The following MMP16 variants were observed in gnomAD, a reference collection of about 807,000 sequenced individuals.
The protein encoded by MMP16 is matrix metallopeptidase 16, also known as matrix metalloproteinase-16.
Under a neutral mutation model 67.8 loss-of-function variants are expected in MMP16, and 12 were observed. The ratio of observed to expected loss-of-function variants is 0.18; its 90% CI spans 0.11 to 0.29. MMP16 has a LOEUF of 0.29. Ranked by LOEUF, MMP16 falls within the 10% of genes least tolerant of loss-of-function variation. The pLI, the probability that MMP16 is intolerant of heterozygous loss-of-function variation, is 1.00. For missense variants in MMP16, 475 were observed against 765.7 expected (o/e 0.62, Z 4.48); for synonymous variants, 249 against 255.9 (o/e 0.97, Z 0.26).
chr8:88,110,801 T>C (rs547918753), intron 6 of MMP16, among the ~76,000 whole-genome samples: 3 of 151,652 alleles, frequency 2.0e-5, no homozygotes, highest in Non-Finnish European at 4.4e-5. Flanking sequence ...TAAATGTTAT[T>C]TTAAAAATAA....
intron 8 of MMP16, 66 bp downstream of exon 8, chr8:88,056,062 C>T (rs1250382519): frequency 4.7e-6 from 6 of 1,269,118 alleles, no homozygotes; most frequent in Non-Finnish European, 6.2e-6. Context: ...CTCTGATAGA[C>T]TAGAAATGCT....
chr8:88,154,431 G>A (rs1482417255), intron 4 of MMP16, among the ~76,000 whole-genome samples: 3 of 141,170 alleles, frequency 2.1e-5, no homozygotes, highest in Middle Eastern at 3.7e-3. Context: ...TGTTTATTGC[G>A]GCATTATTCA....
chr8:88,322,758 T>C (rs569041531), intron 1 of MMP16, among the ~76,000 whole-genome samples: 1 of 152,104 alleles, frequency 6.6e-6, no homozygotes, highest in East Asian at 1.9e-4. Flanking sequence ...GGTGGGAGGA[T>C]TGCTTGAGCC....
chr8:88,111,167 C>T (rs1271005356), intron 6 of MMP16, among the ~76,000 whole-genome samples: 1 of 151,628 alleles, frequency 6.6e-6, no homozygotes, highest in Non-Finnish European at 1.5e-5. Context: ...AGTTGTACCA[C>T]TAAATTGAGA....
intron 4 of MMP16, among the ~76,000 whole-genome samples, chr8:88,140,507 T>C (rs191650292): frequency 1.3e-5 from 2 of 152,244 alleles, no homozygotes; most frequent in Admixed American, 6.5e-5. Flanking sequence ...TTTGTAGATA[T>C]ATTTTAGAAG....
intron 1 of MMP16, among the ~76,000 whole-genome samples, chr8:88,235,726 T>C (rs1472582756): frequency 1.3e-5 from 2 of 152,152 alleles, no homozygotes; most frequent in Non-Finnish European, 2.9e-5. Context: ...CTTTCTCAAA[T>C]GGTACACTCT....
chr8:88,147,595 G>T (rs1015630015), intron 4 of MMP16, among the ~76,000 whole-genome samples: 1 of 151,674 alleles, frequency 6.6e-6, no homozygotes, highest in Non-Finnish European at 1.5e-5. Context: ...CTTGGAAAGA[G>T]TTTTGCTGGG....
chr8:88,318,206 AC>A (rs1489748317), intron 1 of MMP16, among the ~76,000 whole-genome samples: 1 of 152,232 alleles, frequency 6.6e-6, no homozygotes, highest in African/African-American at 2.4e-5. Flanking sequence ...CTTCCTGAAT[AC>A]TTTGAAAATC....
chr8:88,185,674 A>G (rs1367298396), intron 3 of MMP16, among the ~76,000 whole-genome samples: 1 of 152,098 alleles, frequency 6.6e-6, no homozygotes, highest in Non-Finnish European at 1.5e-5. Context: ...TCTCCTGCCC[A>G]TTGGTTTAAC....
intron 1 of MMP16, among the ~76,000 whole-genome samples, chr8:88,302,836 G>T (rs1388860030): frequency 6.6e-6 from 1 of 152,192 alleles, no homozygotes; most frequent in Admixed American, 6.5e-5. Context: ...CACTGGCACT[G>T]ACTAGGCAAA....
rs34127125 is a variant in MMP16 at position 88,238,663 on chromosome 8, TAAAAAAAAAAAA to T, written c.133-41369_133-41358del. ...CCTGGGCAACTGTGCAAGACTCTGTTAAAAAAAAAAAAAAAAAAAAAAAAAGACGTGGGCTCT... is the reference window on the plus strand; with the variant it reads ...CCTGGGCAACTGTGCAAGACTCTGTTAAAAAAAAAAAAAGACGTGGGCTCT... On this transcript the variant is annotated intron_variant, in intron 1 of 9. Transcript: ENST00000286614. Among the ~76,000 whole-genome samples, 5 of 99,902 alleles carry T rather than the reference TAAAAAAAAAAAA, an allele frequency of 5.0e-5. No homozygotes were observed. The Admixed American group carries it at 5.0e-4, about 10-fold the overall frequency. The allele number at this position is 99,902 out of a possible 152,430, so 65.5% of individuals were successfully genotyped here. A position where few individuals can be genotyped will look rare whatever the true frequency, so the allele number is the denominator to read the frequency against.
At chr8:88,062,608 G>A (rs1317457735) in intron 7 of MMP16, among the ~76,000 whole-genome samples, 2 of 151,238 alleles carry the variant, frequency 1.3e-5, no homozygotes, top group East Asian at 2.0e-4. Context: ...ATTGAACAAT[G>A]AGAACACTTG....
At chr8:88,232,244 C>A (rs148730050) in intron 1 of MMP16, among the ~76,000 whole-genome samples, 1 of 152,050 alleles carries the variant, frequency 6.6e-6, no homozygotes, top group African/African-American at 2.4e-5. Flanking sequence ...GTAAGAAATT[C>A]GGTTTTACAT....
intron 1 of MMP16, among the ~76,000 whole-genome samples, chr8:88,275,203 A>T (rs1053205373): frequency 6.6e-6 from 1 of 151,986 alleles, no homozygotes; most frequent in African/African-American, 2.4e-5. Flanking sequence ...ATTTTGTGTG[A>T]ATCTAAGTAA....
intron 8 of MMP16, among the ~76,000 whole-genome samples, chr8:88,049,643 A>G (rs1426780938): frequency 1.3e-5 from 2 of 152,204 alleles, no homozygotes; most frequent in African/African-American, 4.8e-5. Flanking sequence ...CTCATAATAG[A>G]ATAAATAATG....
chr8:88,239,837 C>T (rs1435312947), intron 1 of MMP16, among the ~76,000 whole-genome samples: 5 of 152,128 alleles, frequency 3.3e-5, no homozygotes, highest in South Asian at 2.1e-4. Context: ...AGATATAATT[C>T]CTCCCCTCCC....
chr8:88,312,911 T>C (rs1811317458), intron 1 of MMP16, among the ~76,000 whole-genome samples: 3 of 152,072 alleles, frequency 2.0e-5, no homozygotes, highest in Non-Finnish European at 2.9e-5. Flanking sequence ...GAGGTTGCAG[T>C]GAGCCTGAGC....
chr8:88,067,480 A>T (rs1465973921), intron 7 of MMP16, among the ~76,000 whole-genome samples: 2 of 152,118 alleles, frequency 1.3e-5, no homozygotes, highest in Non-Finnish European at 2.9e-5. Flanking sequence ...TAATGTGTAT[A>T]ATTTATTAAG....
intron 4 of MMP16, among the ~76,000 whole-genome samples, chr8:88,156,783 G>C (rs1808516230): frequency 6.6e-6 from 1 of 151,714 alleles, no homozygotes; most frequent in African/African-American, 2.4e-5. Context: ...ATTTTGTCTT[G>C]TTGATGTCTA....
Sources: allele counts gnomAD v4.1 joint callset (sites outside exome capture counted in the v4.1 genomes callset), GRCh38; gene constraint gnomAD v4.1.1; transcripts MANE v1.5; gene names NCBI Gene and HGNC (gene_info 2026-07-23, HGNC 2026-07-21).